GRID2: variants seen among roughly 807,000 people sequenced by gnomAD.
GRID2 encodes the protein glutamate ionotropic receptor delta type subunit 2.
GRID2 carries 33 observed loss-of-function variants against 114.8 expected under a neutral mutation model. The observed-to-expected ratio is 0.29, with a 90% confidence interval of 0.22 to 0.38. The LOEUF (loss-of-function observed/expected upper bound fraction) is 0.38, where lower values mean the gene tolerates loss of function less well. Among genes scored for constraint, GRID2 ranks in the 10% least tolerant of loss-of-function variants. GRID2 has a pLI of 1.00. For missense variants in GRID2, 1,184 were observed against 1,257.7 expected, an observed-to-expected ratio of 0.94 and a Z score of 0.89; for synonymous variants, 505 against 449.9, an observed-to-expected ratio of 1.12 and a Z score of -1.55.
At chr4:92,652,237 C>T (rs1193748895) in intron 2 of GRID2, among the ~76,000 whole-genome samples, 1 of 152,006 alleles carries the variant, frequency 6.6e-6, no homozygotes, top group Non-Finnish European at 1.5e-5. Context: ...GGCAGATCTT[C>T]TTTACTCGGT....
chr4:92,883,267 A>T (rs961980411), intron 2 of GRID2, among the ~76,000 whole-genome samples: 4 of 152,164 alleles, frequency 2.6e-5, no homozygotes, highest in African/African-American at 9.7e-5. Flanking sequence ...TTCAAGTTTT[A>T]CCATAGTATT....
At position 93,487,583 on chromosome 4, in the gene GRID2, C is replaced by T. The variant is rs542802286; in HGVS notation, c.1859-3056C>T. ...GATTTTCTTGTTGTCTCAGTCCCACCCTCATTTGGCAAGCCCTGGACCCCA... is the reference window on the plus strand; with the variant it reads ...GATTTTCTTGTTGTCTCAGTCCCACTCTCATTTGGCAAGCCCTGGACCCCA... On this transcript the variant is annotated intron_variant, in intron 11 of 15. Transcript: ENST00000282020. Among the ~76,000 whole-genome samples, 4 of 151,928 alleles carry T rather than the reference C, an allele frequency of 2.6e-5. No homozygotes were observed. In the South Asian group the frequency reaches 8.3e-4, roughly 31 times the overall value.
rs184126664 is a variant in GRID2 at position 92,905,389 on chromosome 4, A to G, written c.245-179606A>G. Among the ~76,000 whole-genome samples, 77 of 152,192 alleles carry G rather than the reference A, an allele frequency of 5.1e-4. 1 individual carries two copies. In the East Asian group the frequency reaches 0.013, roughly 26 times the overall value. On this transcript the variant is annotated intron_variant, in intron 2 of 15. Transcript: ENST00000282020. Reference sequence around the variant, plus strand: ...AATTTATAAAATATAATAACGTTAAAATTTTCATATGATTGTGAGGATAGA... The same window carrying G: ...AATTTATAAAATATAATAACGTTAAGATTTTCATATGATTGTGAGGATAGA...
chr4:93,039,686 T>A (rs564642975), intron 2 of GRID2, among the ~76,000 whole-genome samples: 14 of 152,194 alleles, frequency 9.2e-5, no homozygotes, highest in Admixed American at 5.2e-4. Context: ...TATGCAAATA[T>A]GATGAATCTT....
chr4:93,372,908 T>C (rs575281811), intron 8 of GRID2, among the ~76,000 whole-genome samples: 20 of 152,280 alleles, frequency 1.3e-4, no homozygotes, highest in Non-Finnish European at 2.4e-4. Context: ...AGCCACTAGA[T>C]AGATGTGCAA....
At chr4:92,948,892 T>C (rs1751834784) in intron 2 of GRID2, among the ~76,000 whole-genome samples, 1 of 151,998 alleles carries the variant, frequency 6.6e-6, no homozygotes, top group Non-Finnish European at 1.5e-5. Flanking sequence ...GTAAAGTGAG[T>C]GACTCTTCAC....
chr4:93,440,497 TA>T (rs975661979), intron 10 of GRID2, among the ~76,000 whole-genome samples: 1 of 151,722 alleles, frequency 6.6e-6, no homozygotes, highest in Non-Finnish European at 1.5e-5. Context: ...GGCAGGAAGT[TA>T]AAAAAAATAC....
chr4:92,313,383 G>T (rs562499727), intron 1 of GRID2, among the ~76,000 whole-genome samples: 75 of 152,032 alleles, frequency 4.9e-4, no homozygotes, highest in African/African-American at 1.6e-3. Flanking sequence ...TACTGCTTTG[G>T]TGATGAGTGC....
chr4:92,854,705 C>A (rs543844605), intron 2 of GRID2, among the ~76,000 whole-genome samples: 1 of 151,798 alleles, frequency 6.6e-6, no homozygotes, highest in Admixed American at 6.6e-5. Context: ...CGAACAAGTG[C>A]AGGATAATAT....
intron 14 of GRID2, among the ~76,000 whole-genome samples, chr4:93,637,904 TAAC>T (rs925428263): frequency 8.5e-5 from 13 of 152,168 alleles, no homozygotes; most frequent in African/African-American, 2.9e-4. Context: ...TCAAATAAAC[TAAC>T]ATCATAATTG....
chr4:92,618,123 C>G (rs1176515368), intron 2 of GRID2, among the ~76,000 whole-genome samples: 1 of 151,478 alleles, frequency 6.6e-6, no homozygotes, highest in African/African-American at 2.4e-5. Context: ...CTTATGTTTT[C>G]TTCTAAAAAT....
chr4:92,551,370 G>C (rs1276633450), intron 1 of GRID2, among the ~76,000 whole-genome samples: 1 of 152,012 alleles, frequency 6.6e-6, no homozygotes, highest in South Asian at 2.1e-4. Flanking sequence ...AGTATTATGT[G>C]CAAATGTATA....
chr4:93,232,595 G>A (rs186238082), intron 7 of GRID2, among the ~76,000 whole-genome samples: 2 of 149,978 alleles, frequency 1.3e-5, no homozygotes, highest in East Asian at 2.0e-4. Flanking sequence ...AAATTCTTTT[G>A]CATTGTCTTA....
intron 13 of GRID2, among the ~76,000 whole-genome samples, chr4:93,533,306 C>A (rs866445138): frequency 7.8e-6 from 1 of 128,850 alleles, no homozygotes; most frequent in East Asian, 2.2e-4. Context: ...TCCTTCCTTC[C>A]TTCCTTCCTT....
At chr4:92,701,075 T>A (rs1469342518) in intron 2 of GRID2, among the ~76,000 whole-genome samples, 1 of 152,160 alleles carries the variant, frequency 6.6e-6, no homozygotes, top group African/African-American at 2.4e-5. Flanking sequence ...CCTTACTGTG[T>A]GTAAATGCTT....
At chr4:93,185,920 C>T (rs1740367722) in intron 4 of GRID2, among the ~76,000 whole-genome samples, 1 of 152,122 alleles carries the variant, frequency 6.6e-6, no homozygotes, top group South Asian at 2.1e-4. Flanking sequence ...TGACAGGCCC[C>T]AGTGTGTGAT....
chr4:93,185,931 G>A (rs565592630), intron 4 of GRID2, among the ~76,000 whole-genome samples: 7 of 152,044 alleles, frequency 4.6e-5, no homozygotes, highest in African/African-American at 9.6e-5. Context: ...AGTGTGTGAT[G>A]TTTCCCGCCC....
intron 2 of GRID2, among the ~76,000 whole-genome samples, chr4:92,965,811 C>T (rs539575578): frequency 1.2e-3 from 177 of 151,874 alleles, no homozygotes; most frequent in Middle Eastern, 3.4e-3. Context: ...TCCCAGATGA[C>T]GAAATTTTGT....
chr4:92,750,487 GA>G (rs1426558139), intron 2 of GRID2, among the ~76,000 whole-genome samples: 1 of 95,928 alleles, frequency 1.0e-5, no homozygotes. Flanking sequence ...TATTCACATA[GA>G]CCAAAGAAAG....
Sources: gnomAD v4.1 joint callset for allele counts (sites outside exome capture counted in the v4.1 genomes callset) on GRCh38, gnomAD v4.1.1 for gene constraint, MANE v1.5 for transcripts, NCBI Gene and HGNC (gene_info 2026-07-23, HGNC 2026-07-21) for gene names.